RTN4RL1: variants seen among roughly 807,000 people sequenced by gnomAD.
RTN4RL1 encodes reticulon-4 receptor-like 1.
In RTN4RL1, 7 loss-of-function variants were observed where a neutral mutation model predicts 25.6. The observed-to-expected ratio is 0.27, with a 90% CI of 0.16 to 0.51. The LOEUF (loss-of-function observed/expected upper bound fraction) is 0.51, where lower values mean the gene tolerates loss of function less well. Among genes scored for constraint, RTN4RL1 ranks in the 20% least tolerant of loss-of-function variants. The pLI is 0.97. For synonymous variants in RTN4RL1, 297 were observed against 288.2 expected, an observed-to-expected ratio of 1.03 and a Z score of -0.31; for missense variants, 500 against 615.6, an observed-to-expected ratio of 0.81 and a Z score of 1.99.
chr17:1,962,799 T>G lies in RTN4RL1; in HGVS notation c.14-24991A>C, dbSNP rs367766660. Among the ~76,000 whole-genome samples the G allele has an allele frequency of 4.9e-3, 700 of 141,458 alleles. 4 individuals are homozygous for G. The highest frequency in any genetic ancestry group is 0.018 in the African/African-American group (670 of 37,508). The allele number at this position is 141,458 out of a possible 152,430, so 92.8% of individuals were successfully genotyped here. The stretch of plus-strand genomic sequence containing the variant: ...AATAGCTTGAACCAGGAGGCAGAGG[T>G]TGCAGTGAGCCGAGATCGCACCACT... On this transcript the variant is annotated intron_variant, in intron 1 of 1. Coordinates refer to ENST00000331238, the MANE Select transcript of RTN4RL1 (RefSeq NM_178568.4).
intron 1 of RTN4RL1, among the ~76,000 whole-genome samples, chr17:1,967,054 G>T (rs1597499839): frequency 6.6e-6 from 1 of 152,142 alleles, no homozygotes; most frequent in Non-Finnish European, 1.5e-5. Context: ...CAGAGGCCAC[G>T]CAGGAAACAG....
chr17:1,937,583 G>T lies in RTN4RL1; in HGVS notation c.239C>A (p.Thr80Asn). ...QPGHFSPAMV[T>N]LWIYSNNITY... Reference sequence around the variant, plus strand: ...GATGTTGTTCGAGTAGATCCACAGGGTGACCATGGCGGGGCTGAAGTGGCC... The same window carrying T: ...GATGTTGTTCGAGTAGATCCACAGGTTGACCATGGCGGGGCTGAAGTGGCC... The change falls in exon 2 of 2, where the codon ACC (threonine) becomes AAC (asparagine). Residue 80 changes from threonine (T) to asparagine (N), a missense_variant. Transcript: ENST00000331238. The T allele has an allele frequency of 1.9e-6, 3 of 1,613,966 alleles. No individual in the cohort carries two copies. Among genetic ancestry groups the T allele is most frequent in the Non-Finnish European group, 2.5e-6 (3 of 1,179,844 alleles).
At chr17:1,947,693 G>GCCA (rs1915585189) in intron 1 of RTN4RL1, among the ~76,000 whole-genome samples, 1 of 152,196 alleles carries the variant, frequency 6.6e-6, no homozygotes, top group South Asian at 2.1e-4. Flanking sequence ...CCTTGTCGGA[G>GCCA]CCACCCCCAG....
chr17:1,949,594 G>A (rs928173608), intron 1 of RTN4RL1, among the ~76,000 whole-genome samples: 8 of 152,172 alleles, frequency 5.3e-5, no homozygotes, highest in East Asian at 1.9e-4. Context: ...AGCTCTGAGC[G>A]CAGCCCAGAT....
intron 1 of RTN4RL1, among the ~76,000 whole-genome samples, chr17:1,953,484 A>G (rs1364901919): frequency 1.3e-5 from 2 of 152,192 alleles, no homozygotes; most frequent in East Asian, 1.9e-4. Context: ...GCACACCAAC[A>G]TGGCACATGT....
rs959487129 is a variant in RTN4RL1, at chr17:2,017,703, A to ACACACG, written c.13+7149_13+7150insCGTGTG. The ACACACG allele has an allele frequency of 2.6e-3, 332 of 125,544 alleles. 2 individuals carry two copies. The highest frequency in any genetic ancestry group is 8.4e-3 in the African/African-American group (306 of 36,254). 7.8% of individuals were successfully genotyped at this position (125,544 alleles called of 1,614,324 possible). On this transcript the variant is annotated intron_variant, in intron 1 of 1. Transcript: ENST00000331238. ...TACATACACACACACACACACACAC[A>ACACACG]CACGCACACACACTATGGTACCAAC... is the stretch of plus-strand genomic sequence containing the variant.
At chr17:1,947,498 C>A (rs1200383654) in intron 1 of RTN4RL1, among the ~76,000 whole-genome samples, 1 of 152,224 alleles carries the variant, frequency 6.6e-6, no homozygotes, top group Non-Finnish European at 1.5e-5. Flanking sequence ...AACTCCCGCC[C>A]TCCTCCCGAC....
In RTN4RL1 at chr17:2,025,006, G is replaced by C. The variant is rs927728257; in HGVS notation, c.-141C>G. 1.2e-6 allele frequency: 1 copy of C among 859,706 alleles called. No individual in the cohort carries two copies. Among genetic ancestry groups the C allele is most frequent in the Non-Finnish European group, 1.7e-6 (1 of 574,820 alleles). 53.3% of individuals were successfully genotyped at this position (859,706 alleles called of 1,614,324 possible). The stretch of plus-strand genomic sequence containing the variant: ...GCCGGGGATCCGCTCGTGCCCGGTG[G>C]CCCGGCCCCGCAGGGGCATGGTGAG... On this transcript the variant is annotated 5_prime_UTR_variant, in exon 1 of 2. Coordinates refer to ENST00000331238, the MANE Select transcript of RTN4RL1 (RefSeq NM_178568.4). This position sits in a 1 kb window ranked among gnomAD's most constrained non-coding sequence, Gnocchi z 4.8.
chr17:1,937,049 T>C lies in RTN4RL1; in HGVS notation c.773A>G (p.Asp258Gly), dbSNP rs1322280183. Reference protein sequence around the residue: ...EFLRLNGNPWDCGCRARSLWE... With the variant: ...EFLRLNGNPWGCGCRARSLWE... ...CAGGGAGCGCGCGCGACAACCACAG[T>C]CCCAGGGGTTGCCGTTGAGGCGGAG... Residue 258 changes from aspartate to glycine, a missense_variant, in exon 2 of 2, where the codon GAC becomes GGC. Asp to Gly is a moderately conservative substitution (Grantham distance 94). Transcript: ENST00000331238. 1 of 1,605,106 alleles carries C rather than the reference T, an allele frequency of 6.2e-7. No homozygotes were observed. Among genetic ancestry groups the C allele is most frequent in the Non-Finnish European group, 8.5e-7 (1 of 1,177,756 alleles).
chr17:1,937,553 T>C lies in RTN4RL1; in HGVS notation c.269A>G (p.Tyr90Cys). Residue 90 changes from tyrosine (Y) to cysteine (C), a missense_variant, in exon 2 of 2, where the codon TAC becomes TGC. Tyr to Cys is a radical substitution (Grantham distance 194). Transcript: ENST00000331238. Reference protein sequence around the residue: ...TLWIYSNNITYIHPSTFEGFV... With the variant: ...TLWIYSNNITCIHPSTFEGFV... ...GCCCTCGAAGGTGCTGGGGTGGATG[T>C]AGGTGATGTTGTTCGAGTAGATCCA... is the stretch of plus-strand genomic sequence containing the variant. 6.2e-7 allele frequency: 1 copy of C among 1,613,882 alleles called. No homozygotes were observed. Among genetic ancestry groups the C allele is most frequent in the Non-Finnish European group, 8.5e-7 (1 of 1,179,844 alleles).
intron 1 of RTN4RL1, among the ~76,000 whole-genome samples, chr17:1,963,876 C>T (rs34856272): frequency 0.22 from 33,114 of 152,034 alleles, 3,949 homozygotes; most frequent in Middle Eastern, 0.3. Flanking sequence ...GGATCACAGG[C>T]GCCACCACGC....
chr17:1,992,259 G>C (rs576325207), intron 1 of RTN4RL1, among the ~76,000 whole-genome samples: 6 of 151,888 alleles, frequency 4.0e-5, no homozygotes, highest in South Asian at 4.2e-4. Context: ...AGCTACTTGG[G>C]GGGGCAGGAG....
chr17:1,974,731 AG>A (rs2066835299), intron 1 of RTN4RL1, among the ~76,000 whole-genome samples: 1 of 144,080 alleles, frequency 6.9e-6, no homozygotes, highest in South Asian at 2.4e-4. Context: ...GGGAGGGGGG[AG>A]GGAATAAATA....
At chr17:1,965,525 GA>G (rs897626782) in intron 1 of RTN4RL1, among the ~76,000 whole-genome samples, 1 of 152,170 alleles carries the variant, frequency 6.6e-6, no homozygotes, top group Non-Finnish European at 1.5e-5. Flanking sequence ...TGGCCCCATG[GA>G]CTTACTGTCC....
At chr17:1,990,315 C>T (rs897800297) in intron 1 of RTN4RL1, among the ~76,000 whole-genome samples, 3 of 151,636 alleles carry the variant, frequency 2.0e-5, no homozygotes, top group East Asian at 1.9e-4. Flanking sequence ...TGCAGTGAGC[C>T]GAGATCGAGC....
At chr17:1,971,819 A>G (rs942166685) in intron 1 of RTN4RL1, among the ~76,000 whole-genome samples, 11 of 151,610 alleles carry the variant, frequency 7.3e-5, no homozygotes, top group South Asian at 2.1e-4. Context: ...AACATTAGCC[A>G]GGTGTGGTGG....
At chr17:2,000,707 A>T (rs1401003566) in intron 1 of RTN4RL1, among the ~76,000 whole-genome samples, 1 of 151,670 alleles carries the variant, frequency 6.6e-6, no homozygotes, top group Non-Finnish European at 1.5e-5. Context: ...TTTAGTAGAG[A>T]TGGGGTTTCG....
Position 1,971,576 on chromosome 17 carries a change from T to A in RTN4RL1, c.14-33768A>T, listed in dbSNP as rs572327986. ...TGGGCATGGTGGCTCACACCTGTAATCCCAGCACGTCGGGAGGCTGAGGTG... is the reference window on the plus strand; with the variant it reads ...TGGGCATGGTGGCTCACACCTGTAAACCCAGCACGTCGGGAGGCTGAGGTG... On this transcript the variant is annotated intron_variant, in intron 1 of 1. Coordinates refer to ENST00000331238, the MANE Select transcript of RTN4RL1 (RefSeq NM_178568.4). 2.6e-5 allele frequency among the ~76,000 whole-genome samples: 4 copies of A among 152,094 alleles called. No individual in the cohort carries two copies. The South Asian group carries it at 8.3e-4, about 32-fold the overall frequency.
intron 1 of RTN4RL1, among the ~76,000 whole-genome samples, chr17:1,990,888 G>A (rs980658453): frequency 3.2e-4 from 48 of 152,292 alleles, no homozygotes; most frequent in South Asian, 2.3e-3. Context: ...GTGTCTCCAA[G>A]AGAGGAGACG....
Sources: allele counts gnomAD v4.1 joint callset (sites outside exome capture counted in the v4.1 genomes callset), GRCh38; gene constraint gnomAD v4.1.1; non-coding constraint Gnocchi (gnomAD v3.1); transcripts MANE v1.5; gene names NCBI Gene and HGNC (gene_info 2026-07-23, HGNC 2026-07-21).